Variants in SAXO1 observed in about 807,000 individuals in gnomAD.
The protein encoded by SAXO1 is 4930500O09Rik.
In SAXO1, 21 loss-of-function variants were observed where a neutral mutation model predicts 17.5. The ratio of observed to expected loss-of-function variants is 1.20; its 90% CI spans 0.85 to 1.72. SAXO1 has a LOEUF of 1.72. Ranked by LOEUF, SAXO1 falls within the 40% of genes most tolerant of loss-of-function variation. The pLI, the probability that SAXO1 is intolerant of heterozygous loss-of-function variation, is 0.00. For missense variants in SAXO1, 843 were observed against 596.0 expected (o/e 1.41, Z -4.32); for synonymous variants, 274 against 216.5 (o/e 1.27, Z -2.33).
chr9:19,026,587 G>A (rs573919979), intron 1 of SAXO1, among the ~76,000 whole-genome samples: 6 of 152,082 alleles, frequency 3.9e-5, no homozygotes, highest in Non-Finnish European at 7.4e-5. Context: ...TGAAAACATC[G>A]CCAGGGAAAA....
chr9:18,984,129 G>C (rs1018268432), intron 1 of SAXO1, among the ~76,000 whole-genome samples: 1 of 152,116 alleles, frequency 6.6e-6, no homozygotes, highest in Non-Finnish European at 1.5e-5. Context: ...CTGAGCAGTA[G>C]GTCTCAATAG....
chr9:18,964,528 C>T (rs1832636289), intron 1 of SAXO1, among the ~76,000 whole-genome samples: 1 of 152,102 alleles, frequency 6.6e-6, no homozygotes. Context: ...GGAATTTATC[C>T]ATTTCTTCTA....
chr9:19,032,880 C>G lies in SAXO1; in HGVS notation c.29G>C (p.Cys10Ser). 1 of 1,610,796 alleles carries G rather than the reference C, an allele frequency of 6.2e-7. No individual in the cohort carries two copies. Among genetic ancestry groups the G allele is most frequent in the Non-Finnish European group, 8.5e-7 (1 of 1,179,798 alleles). The change falls in exon 1 of 4, where the codon TGC (cysteine) becomes TCC (serine). Residue 10 changes from cysteine to serine, a missense_variant. Coordinates refer to ENST00000380534, the MANE Select transcript of SAXO1 (RefSeq NM_153707.4). MKTKCICELCSCGRHHCPHL... is the reference protein window; with the variant it reads MKTKCICELSSCGRHHCPHL... ...GGCGTGGCCACCTTACCCGCAGGAG[C>G]ACAGTTCACAGATGCACTTCGTCTT...
chr9:19,027,740 G>T, intron 1 of SAXO1: 1 of 1,461,672 alleles, frequency 6.8e-7, no homozygotes, highest in South Asian at 1.2e-5. Context: ...GAAGTCCGGG[G>T]ACCGAGAGGT....
At chr9:18,934,850 G>C (rs1443660875) in intron 3 of SAXO1, among the ~76,000 whole-genome samples, 2 of 152,124 alleles carry the variant, frequency 1.3e-5, no homozygotes, top group Admixed American at 1.3e-4. Flanking sequence ...TAATTCCATA[G>C]AGTCTTATCT....
At chr9:18,990,875 TG>T (rs1833786262) in intron 1 of SAXO1, among the ~76,000 whole-genome samples, 1 of 152,170 alleles carries the variant, frequency 6.6e-6, no homozygotes, top group Non-Finnish European at 1.5e-5. Context: ...ACCACCTTGT[TG>T]CAAGAAAACA....
At position 18,928,607 on chromosome 9, in the gene SAXO1, A is replaced by G. The variant is rs1830889472; in HGVS notation, c.870T>C (p.Ala290=). ...AWPMPRMFSK[A]PITYVPPEDR... ...CTTCGGGAGGGACGTAGGTGATGGG[A>G]GCTTTGGAGAACATCCGGGGCATTG... is the stretch of plus-strand genomic sequence containing the variant. Residue 290 remains alanine, a synonymous_variant, in exon 4 of 4, where the codon GCT becomes GCC. Coordinates refer to ENST00000380534, the MANE Select transcript of SAXO1 (RefSeq NM_153707.4). 2.5e-6 allele frequency: 4 copies of G among 1,613,822 alleles called. No individual in the cohort carries two copies. The highest frequency in any genetic ancestry group is 2.7e-5 in the African/African-American group (2 of 74,836).
chr9:18,977,173 G>A (rs1015095480), intron 1 of SAXO1, among the ~76,000 whole-genome samples: 9 of 152,158 alleles, frequency 5.9e-5, no homozygotes, highest in Non-Finnish European at 1.3e-4. Flanking sequence ...TTTGTTGCCT[G>A]TAACAGAAAC....
intron 1 of SAXO1, among the ~76,000 whole-genome samples, chr9:18,963,925 G>C (rs140212333): frequency 1.1e-3 from 165 of 152,192 alleles, no homozygotes; most frequent in African/African-American, 3.9e-3. Flanking sequence ...ACTGGCTGTG[G>C]GTTTGTCATA....
chr9:18,953,534 T>C (rs955209300), intron 1 of SAXO1, among the ~76,000 whole-genome samples: 3 of 152,210 alleles, frequency 2.0e-5, no homozygotes, highest in African/African-American at 7.2e-5. Context: ...TGAAACCTTG[T>C]CTCACTTTGA....
chr9:18,963,449 T>C (rs1832576535), intron 1 of SAXO1, among the ~76,000 whole-genome samples: 1 of 152,236 alleles, frequency 6.6e-6, no homozygotes, highest in African/African-American at 2.4e-5. Flanking sequence ...TGCAATGTTT[T>C]TCCACTTGTT....
chr9:19,024,822 C>T (rs1007211686), intron 1 of SAXO1, among the ~76,000 whole-genome samples: 5 of 152,006 alleles, frequency 3.3e-5, no homozygotes, highest in African/African-American at 1.2e-4. Context: ...TGTCATCTTT[C>T]CAAATAAACT....
chr9:18,939,794 T>C (rs556991552), intron 3 of SAXO1, among the ~76,000 whole-genome samples: 1 of 152,342 alleles, frequency 6.6e-6, no homozygotes, highest in Admixed American at 6.5e-5. Flanking sequence ...ATAATGATTT[T>C]ATCGTTTGAT....
At chr9:19,021,200 T>C (rs1400243439) in intron 1 of SAXO1, among the ~76,000 whole-genome samples, 1 of 152,130 alleles carries the variant, frequency 6.6e-6, no homozygotes, top group Non-Finnish European at 1.5e-5. Context: ...TTCTGTGGAA[T>C]TTGGAAACAG....
At chr9:18,990,172 T>C (rs7868127) in intron 1 of SAXO1, among the ~76,000 whole-genome samples, 29 of 103,144 alleles carry the variant, frequency 2.8e-4, no homozygotes, top group South Asian at 3.1e-4. Flanking sequence ...CATGGACTTT[T>C]TTTTTTTTTT....
Position 18,959,570 on chromosome 9 carries a change from A to G in SAXO1, c.39-8633T>C, listed in dbSNP as rs1832400908. On this transcript the variant is annotated intron_variant, in intron 1 of 3. Coordinates refer to ENST00000380534, the MANE Select transcript of SAXO1 (RefSeq NM_153707.4). ...TGGATCACCTGAGGTCAGGAGTTCAAGACCAGCCTGGCCAATATGGTGAAA... is the reference window on the plus strand; with the variant it reads ...TGGATCACCTGAGGTCAGGAGTTCAGGACCAGCCTGGCCAATATGGTGAAA... 3.9e-5 allele frequency among the ~76,000 whole-genome samples: 6 copies of G among 152,278 alleles called. No individual in the cohort carries two copies. The South Asian group carries it at 1.2e-3, about 32-fold the overall frequency.
At chr9:18,940,659 A>G (rs1831513131) in intron 3 of SAXO1, among the ~76,000 whole-genome samples, 1 of 152,226 alleles carries the variant, frequency 6.6e-6, no homozygotes, top group Admixed American at 6.5e-5. Flanking sequence ...AAAGGTTGGT[A>G]TCATAAGCAT....
intron 3 of SAXO1, among the ~76,000 whole-genome samples, chr9:18,933,276 T>C (rs10811067): frequency 0.12 from 18,528 of 152,228 alleles, 1,439 homozygotes; most frequent in East Asian, 0.26. Context: ...ATCAACCAAG[T>C]GGCTTTTTTC....
At chr9:19,036,801 T>G (rs1000777407), upstream of SAXO1, among the ~76,000 whole-genome samples, 9 of 152,138 alleles carry the variant, frequency 5.9e-5, no homozygotes, top group Non-Finnish European at 7.4e-5. Flanking sequence ...GGGCACCACC[T>G]AGTGGAGCTG....
Sources: allele counts gnomAD v4.1 joint callset (sites outside exome capture counted in the v4.1 genomes callset), GRCh38; gene constraint gnomAD v4.1.1; transcripts MANE v1.5; gene names NCBI Gene and HGNC (gene_info 2026-07-23, HGNC 2026-07-21).